Variants in GPR174 observed in about 807,000 individuals in gnomAD.
The protein encoded by GPR174 is G protein-coupled receptor 174.
A neutral mutation model predicts 16.5 loss-of-function variants in GPR174; 8 were observed. That is an observed-to-expected ratio of 0.48 (90% CI 0.28 to 0.87). The LOEUF (loss-of-function observed/expected upper bound fraction) is 0.87. Among genes scored for constraint, GPR174 ranks in the 40% least tolerant of loss-of-function variants. The pLI is 0.09. For synonymous variants in GPR174, 111 were observed against 94.8 expected, an observed-to-expected ratio of 1.17 and a Z score of -0.99; for missense variants, 214 against 247.5, an observed-to-expected ratio of 0.86 and a Z score of 0.91.
chrX:79,165,096 TAAATTTTTAAATTTTA>T (rs1921326258), intron 2 of GPR174, among the ~76,000 whole-genome samples: 1 of 111,232 alleles, frequency 9.0e-6, no homozygotes, highest in Non-Finnish European at 1.9e-5. Flanking sequence ...TTTTAATATT[TAAATTTTTAAATTTTA>T]AATCATTTTC....
intron 1 of GPR174, among the ~76,000 whole-genome samples, chrX:79,148,130 A>G (rs926310634): frequency 1.8e-5 from 2 of 111,803 alleles, no homozygotes; most frequent in Non-Finnish European, 3.8e-5. Context: ...AAATTTAACC[A>G]TTATCAGGTT....
At chrX:79,167,604 A>G (rs1158354003) in intron 2 of GPR174, among the ~76,000 whole-genome samples, 2 of 110,977 alleles carry the variant, frequency 1.8e-5, no homozygotes, top group Non-Finnish European at 3.8e-5. Flanking sequence ...AATGATCACA[A>G]ATTAAGAAAT....
At chrX:79,169,039 T>TA (rs747494131) in intron 2 of GPR174, among the ~76,000 whole-genome samples, 12 of 111,897 alleles carry the variant, frequency 1.1e-4, no homozygotes, top group Admixed American at 9.5e-5. Context: ...TATTCATAAA[T>TA]AAAAAACAAT....
rs1474440917 is a variant in GPR174, at chrX:79,173,436, A to G, written c.*1427A>G. On this transcript the variant is annotated 3_prime_UTR_variant, in exon 3 of 3. Coordinates refer to ENST00000645147, the MANE Select transcript of GPR174 (RefSeq NM_032553.3). ...AATATTTTGAAACATGTTTTAGCAA[A>G]AAGCTCTAACTTTAAGAAAGTTCTA... The G allele has an allele frequency of 8.9e-6, 1 of 112,198 alleles. No individual in the cohort carries two copies. Among genetic ancestry groups the G allele is most frequent in the Non-Finnish European group, 1.9e-5 (1 of 53,214 alleles). The allele number at this position is 112,198 out of a possible 1,213,427, so 9.2% of individuals were successfully genotyped here. A position where few individuals can be genotyped will look rare whatever the true frequency, so the allele number is the denominator to read the frequency against.
chrX:79,171,865 T>C lies in GPR174; in HGVS notation c.858T>C (p.Cys286=). The change falls in exon 3 of 3, where the codon TGT becomes TGC. Residue 286 remains cysteine (C), a synonymous_variant. Transcript: ENST00000645147. ...TGTGTCTTGCTAGTCTGAATTCATG[T>C]CTTGACCCAGTCATATACTACTTTT... ...VALCLASLNS[C]LDPVIYYFST... 8.3e-7 allele frequency: 1 copy of C among 1,211,491 alleles called. No individual in the cohort carries two copies.
At chrX:79,161,583 T>C (rs1008820217) in intron 2 of GPR174, among the ~76,000 whole-genome samples, 3 of 111,958 alleles carry the variant, frequency 2.7e-5, no homozygotes, top group Non-Finnish European at 5.7e-5. Flanking sequence ...ATTAATTCCA[T>C]AGGGCCACTG....
rs1333593533 is a variant in GPR174 at position 79,151,428 on chromosome X, AAATATAT to A, written c.-653-5392_-653-5386del. On this transcript the variant is annotated intron_variant, in intron 1 of 2. Transcript: ENST00000645147. The stretch of plus-strand genomic sequence containing the variant: ...TATATAACTTGGTGAGTTTGGAGAT[AAATATAT>A]ACCTGGGAAACCACCACCACAATCT... Among the ~76,000 whole-genome samples, 245 of 111,629 alleles carry A rather than the reference AAATATAT, an allele frequency of 2.2e-3. 5 individuals carry two copies. Among genetic ancestry groups the A allele is most frequent in the Middle Eastern group, 4.6e-3 (1 of 219 alleles).
At chrX:79,150,562 T>C (rs1926581145) in intron 1 of GPR174, among the ~76,000 whole-genome samples, 1 of 111,931 alleles carries the variant, frequency 8.9e-6, no homozygotes, top group Non-Finnish European at 1.9e-5. Flanking sequence ...TGGTGATCAG[T>C]TCTTTATATT....
rs1294091639 is a variant in GPR174 at position 79,171,277 on chromosome X, C to A, written c.270C>A (p.Leu90=). 1 of 1,209,975 alleles carries A rather than the reference C, an allele frequency of 8.3e-7. No individual in the cohort carries two copies. The highest frequency in any genetic ancestry group is 1.7e-5 in the African/African-American group (1 of 57,325). ...ATGACTGGCCATTTGGGCCTGGTCT[C>A]TGCATGTTCTGTTTCTACCTGAAGT... is the stretch of plus-strand genomic sequence containing the variant. ...LNHDWPFGPG[L]CMFCFYLKYV... is the part of the protein sequence containing the mutation. Residue 90 remains leucine (L), a synonymous_variant, in exon 3 of 3, where the codon CTC becomes CTA. Transcript: ENST00000645147.
rs753826628 is a variant in GPR174 at position 79,161,946 on chromosome X, C to T, written c.-557+5028C>T. ...GCTTTTTCTTCAACTGACTTGCTTT[C>T]GTTTTTACTTTCTTTGATTGTAATC... On this transcript the variant is annotated intron_variant, in intron 2 of 2. Transcript: ENST00000645147. Among the ~76,000 whole-genome samples the T allele has an allele frequency of 3.6e-5, 4 of 111,744 alleles. No homozygotes were observed. In the East Asian group the frequency reaches 1.1e-3, roughly 31 times the overall value.
intron 2 of GPR174, among the ~76,000 whole-genome samples, chrX:79,166,817 C>T (rs1644331983): frequency 9.0e-6 from 1 of 111,576 alleles, no homozygotes; most frequent in African/African-American, 3.3e-5. Flanking sequence ...TGAGTTTCGT[C>T]TACATGCAAA....
chrX:79,168,219 A>C (rs1409052788), intron 2 of GPR174, among the ~76,000 whole-genome samples: 2 of 111,834 alleles, frequency 1.8e-5, no homozygotes, highest in Admixed American at 1.9e-4. Context: ...TCAGTTTAAC[A>C]ACATTTGCAG....
intron 2 of GPR174, among the ~76,000 whole-genome samples, chrX:79,163,472 C>T (rs978890209): frequency 1.8e-5 from 2 of 111,692 alleles, no homozygotes; most frequent in African/African-American, 6.5e-5. Context: ...TCTGCAAGAA[C>T]ATCTGGAAAG....
intron 2 of GPR174, among the ~76,000 whole-genome samples, chrX:79,166,432 C>CTTTTTTTTTTTTTTTTTTTTT (rs1174620976): frequency 6.2e-4 from 27 of 43,633 alleles, no homozygotes; most frequent in Admixed American, 8.4e-4. Flanking sequence ...TTTCTTTTTT[C>CTTTTTTTTTTTTTTTTTTTTT]TTTTTTTTTT....
At position 79,174,011 on chromosome X, in the gene GPR174, A is replaced by G. The variant is rs1486109735; in HGVS notation, c.*2002A>G. On this transcript the variant is annotated 3_prime_UTR_variant, in exon 3 of 3. Coordinates refer to ENST00000645147, the MANE Select transcript of GPR174 (RefSeq NM_032553.3). Reference sequence around the variant, plus strand: ...TGTGCTTAGTATTTTCTAGATTAGCATGAATTACACTTCCTAAGGTCACTT... The same window carrying G: ...TGTGCTTAGTATTTTCTAGATTAGCGTGAATTACACTTCCTAAGGTCACTT... 1.8e-5 allele frequency: 2 copies of G among 111,819 alleles called. No individual in the cohort carries two copies. The highest frequency in any genetic ancestry group is 3.7e-4 in the South Asian group (1 of 2,719). 9.2% of individuals were successfully genotyped at this position (111,819 alleles called of 1,213,427 possible). A position where few individuals can be genotyped will look rare whatever the true frequency, so the allele number is the denominator to read the frequency against.
chrX:79,158,442 CTT>C (rs1273588581), intron 2 of GPR174, among the ~76,000 whole-genome samples: 6 of 73,961 alleles, frequency 8.1e-5, no homozygotes, highest in African/African-American at 1.4e-4. Context: ...TTCTTTCTTT[CTT>C]TTTCTTTTTT....
intron 1 of GPR174, among the ~76,000 whole-genome samples, chrX:79,145,453 G>GT (rs1926481075): frequency 9.0e-6 from 1 of 111,562 alleles, no homozygotes; most frequent in South Asian, 3.7e-4. Context: ...GAAAATATAA[G>GT]TTTGACATGG....
In GPR174 at chrX:79,172,382, C is replaced by A. The variant is rs1262613372; in HGVS notation, c.*373C>A. 6 of 148,881 alleles carry A rather than the reference C, an allele frequency of 4.0e-5. No homozygotes were observed. The highest frequency in any genetic ancestry group is 1.6e-4 in the African/African-American group (5 of 32,112). The allele number at this position is 148,881 out of a possible 1,213,427, so 12.3% of individuals were successfully genotyped here. A position where few individuals can be genotyped will look rare whatever the true frequency, so the allele number is the denominator to read the frequency against. ...AGTTTTGTTGCAACAGATACTGAGT[C>A]TTTATGTTCAGAGGAAATGTAAGTG... On this transcript the variant is annotated 3_prime_UTR_variant, in exon 3 of 3. Coordinates refer to ENST00000645147, the MANE Select transcript of GPR174 (RefSeq NM_032553.3).
At chrX:79,153,687 T>C (rs1053166471) in intron 1 of GPR174, among the ~76,000 whole-genome samples, 1 of 112,004 alleles carries the variant, frequency 8.9e-6, no homozygotes, top group Admixed American at 9.5e-5. Context: ...AAATTGACAG[T>C]CTTTAACAAC....
Sources: allele counts gnomAD v4.1 joint callset (sites outside exome capture counted in the v4.1 genomes callset), GRCh38; gene constraint gnomAD v4.1.1; transcripts MANE v1.5; gene names NCBI Gene and HGNC (gene_info 2026-07-23, HGNC 2026-07-21).